OPRK1: variants seen among roughly 807,000 people sequenced by gnomAD.
OPRK1 encodes opioid receptor kappa 1.
In OPRK1, 15 loss-of-function variants were observed where a neutral mutation model predicts 24.5. That is an observed-to-expected ratio of 0.61 (90% CI 0.41 to 0.94). The LOEUF (loss-of-function observed/expected upper bound fraction) is 0.94, where lower values mean the gene tolerates loss of function less well. Ranked by LOEUF, OPRK1 falls within the 40% of genes least tolerant of loss-of-function variation. The pLI is 0.00. For synonymous variants in OPRK1, 205 were observed against 198.0 expected, an observed-to-expected ratio of 1.04 and a Z score of -0.30; for missense variants, 479 against 507.3, an observed-to-expected ratio of 0.94 and a Z score of 0.54.
intron 2 of OPRK1, among the ~76,000 whole-genome samples, chr8:53,246,788 T>C (rs1336303549): frequency 6.6e-6 from 1 of 151,932 alleles, no homozygotes; most frequent in African/African-American, 2.4e-5. Flanking sequence ...ATGAAGAGAA[T>C]ATGATAAAGA....
At chr8:53,239,077 C>A (rs1336267749) in intron 2 of OPRK1, among the ~76,000 whole-genome samples, 1 of 152,184 alleles carries the variant, frequency 6.6e-6, no homozygotes, top group African/African-American at 2.4e-5. Context: ...AATCAACACA[C>A]TTTCAGTTGC....
chr8:53,246,754 G>A (rs952144145), intron 2 of OPRK1, among the ~76,000 whole-genome samples: 1 of 152,168 alleles, frequency 6.6e-6, no homozygotes, highest in Non-Finnish European at 1.5e-5. Flanking sequence ...CAGTGTCTTG[G>A]TGAAGTACTG....
chr8:53,229,719 T>A lies in OPRK1; in HGVS notation c.721A>T (p.Ile241Phe). The A allele has an allele frequency of 6.2e-7, 1 of 1,613,984 alleles. No homozygotes were observed. The highest frequency in any genetic ancestry group is 8.5e-7 in the Non-Finnish European group (1 of 1,179,990). The change falls in exon 4 of 4, where the codon ATC becomes TTC. Residue 241 changes from isoleucine (I) to phenylalanine (F), a missense_variant. By Grantham distance (21) the Ile-to-Phe change is conservative (BLOSUM62 0). Coordinates refer to ENST00000265572, the MANE Select transcript of OPRK1 (RefSeq NM_000912.5). ...ATCAGGGTGTAGCAGACGATGATGA[T>A]GAGGACAGGGATCACGAAGGCAAAG... is the stretch of plus-strand genomic sequence containing the variant. ...FIFAFVIPVL[I>F]IIVCYTLMIL...
At chr8:53,242,090 C>T (rs1389311132) in intron 2 of OPRK1, among the ~76,000 whole-genome samples, 6 of 152,212 alleles carry the variant, frequency 3.9e-5, no homozygotes, top group Non-Finnish European at 8.8e-5. Context: ...TACCCGGATG[C>T]CTAGCGGTAT....
intron 2 of OPRK1, among the ~76,000 whole-genome samples, chr8:53,237,245 G>A (rs945390014): frequency 3.3e-5 from 5 of 152,078 alleles, no homozygotes; most frequent in Non-Finnish European, 7.4e-5. Context: ...TAAAAGGTGA[G>A]AATAAAAAGG....
chr8:53,226,011 C>G lies in OPRK1; in HGVS notation c.*3286G>C, dbSNP rs200892152. On this transcript the variant is annotated 3_prime_UTR_variant, in exon 4 of 4. Coordinates refer to ENST00000265572, the MANE Select transcript of OPRK1 (RefSeq NM_000912.5). Reference sequence around the variant, plus strand: ...TTCACAGCTTTCACTTTACAATGTTCCAATTTAAAGTCAGCCAGTGTGCTC... The same window carrying G: ...TTCACAGCTTTCACTTTACAATGTTGCAATTTAAAGTCAGCCAGTGTGCTC... 3 of 152,080 alleles carry G rather than the reference C, an allele frequency of 2.0e-5. No homozygotes were observed. Among genetic ancestry groups the G allele is most frequent in the Non-Finnish European group, 2.9e-5 (2 of 68,026 alleles). 9.4% of individuals were successfully genotyped at this position (152,080 alleles called of 1,614,324 possible).
rs1320887730 is a variant in OPRK1 at position 53,226,444 on chromosome 8, A to C, written c.*2853T>G. 1 of 152,216 alleles carries C rather than the reference A, an allele frequency of 6.6e-6. No individual in the cohort carries two copies. The highest frequency in any genetic ancestry group is 1.5e-5 in the Non-Finnish European group (1 of 68,060). 9.4% of individuals were successfully genotyped at this position (152,216 alleles called of 1,614,324 possible). On this transcript the variant is annotated 3_prime_UTR_variant, in exon 4 of 4. Transcript: ENST00000265572. The stretch of plus-strand genomic sequence containing the variant: ...TCCAGACCTTCTTACCAGGGTGGAA[A>C]GAATAGGGTTCATGTAGAGAATGGA...
intron 3 of OPRK1, among the ~76,000 whole-genome samples, chr8:53,233,054 T>C (rs1806894775): frequency 6.6e-6 from 1 of 152,222 alleles, no homozygotes; most frequent in South Asian, 2.1e-4. Flanking sequence ...GCAAATATGA[T>C]AAAGTTGGGC....
intron 2 of OPRK1, 108 bp from the exon 3 acceptor site, chr8:53,235,219 T>A: frequency 1.2e-6 from 1 of 833,064 alleles, no homozygotes; most frequent in Non-Finnish European, 1.9e-6. Flanking sequence ...TTCATTCAAT[T>A]ATTCTTATAT....
chr8:53,240,696 G>A (rs1231440708), intron 2 of OPRK1, among the ~76,000 whole-genome samples: 2 of 151,830 alleles, frequency 1.3e-5, no homozygotes, highest in Non-Finnish European at 2.9e-5. Flanking sequence ...GGGGGAAATG[G>A]AGAGGGCTGG....
chr8:53,241,975 G>C (rs1226691533), intron 2 of OPRK1, among the ~76,000 whole-genome samples: 2 of 152,244 alleles, frequency 1.3e-5, no homozygotes, highest in East Asian at 1.9e-4. Context: ...GAACGTTCTA[G>C]TGCATTCAGG....
chr8:53,247,807 A>G (rs1807268501), intron 2 of OPRK1, among the ~76,000 whole-genome samples: 1 of 151,762 alleles, frequency 6.6e-6, no homozygotes, highest in South Asian at 2.1e-4. Context: ...ACCAGCCTGC[A>G]CAACATGGTG....
intron 2 of OPRK1, among the ~76,000 whole-genome samples, chr8:53,245,679 CA>C (rs1344389550): frequency 6.6e-6 from 1 of 152,110 alleles, no homozygotes; most frequent in East Asian, 1.9e-4. Flanking sequence ...TATGGCCACA[CA>C]AATGGATGAA....
Position 53,229,081 on chromosome 8 carries a change from G to T in OPRK1, c.*216C>A. Reference sequence around the variant, plus strand: ...GGCTCTGCCTCGCTTCTGTGCCCTAGAGAAGAGGTGCATGTGTTGCGTGGA... The same window carrying T: ...GGCTCTGCCTCGCTTCTGTGCCCTATAGAAGAGGTGCATGTGTTGCGTGGA... On this transcript the variant is annotated 3_prime_UTR_variant, in exon 4 of 4. Coordinates refer to ENST00000265572, the MANE Select transcript of OPRK1 (RefSeq NM_000912.5). 1 of 520,404 alleles carries T rather than the reference G, an allele frequency of 1.9e-6. No homozygotes were observed. The highest frequency in any genetic ancestry group is 3.4e-6 in the Non-Finnish European group (1 of 295,488). 32.2% of individuals were successfully genotyped at this position (520,404 alleles called of 1,614,324 possible).
rs1238043696 is a variant in OPRK1, at chr8:53,227,215, G to C, written c.*2082C>G. On this transcript the variant is annotated 3_prime_UTR_variant, in exon 4 of 4. Coordinates refer to ENST00000265572, the MANE Select transcript of OPRK1 (RefSeq NM_000912.5). ...GGAGGTTGCAGTGAGCCAAGACTGTGCTACCGCACTCCAGCCTGGGCAACA... is the reference window on the plus strand; with the variant it reads ...GGAGGTTGCAGTGAGCCAAGACTGTCCTACCGCACTCCAGCCTGGGCAACA... The C allele has an allele frequency of 6.8e-6, 1 of 146,758 alleles. No homozygotes were observed. The highest frequency in any genetic ancestry group is 1.5e-5 in the Non-Finnish European group (1 of 67,706). 9.1% of individuals were successfully genotyped at this position (146,758 alleles called of 1,614,324 possible). A position where few individuals can be genotyped will look rare whatever the true frequency, so the allele number is the denominator to read the frequency against.
intron 2 of OPRK1, among the ~76,000 whole-genome samples, chr8:53,235,462 T>C (rs2128808699): frequency 6.6e-6 from 1 of 152,286 alleles, no homozygotes; most frequent in South Asian, 2.1e-4. Context: ...TCGCTTGGCT[T>C]TAAGCATTTT....
At chr8:53,233,450 G>T (rs1264458481) in intron 3 of OPRK1, among the ~76,000 whole-genome samples, 1 of 152,164 alleles carries the variant, frequency 6.6e-6, no homozygotes, top group Non-Finnish European at 1.5e-5. Flanking sequence ...CATGTATCAT[G>T]CAAGACAAGC....
chr8:53,240,766 G>T (rs1277454880), intron 2 of OPRK1, among the ~76,000 whole-genome samples: 1 of 152,052 alleles, frequency 6.6e-6, no homozygotes, highest in East Asian at 1.9e-4. Context: ...ATTTACAGCA[G>T]GGGGCTAGCA....
chr8:53,247,526 C>T (rs771893615), intron 2 of OPRK1, among the ~76,000 whole-genome samples: 10 of 151,968 alleles, frequency 6.6e-5, no homozygotes, highest in Non-Finnish European at 1.3e-4. Flanking sequence ...AGGAGAAAGT[C>T]GAACGCGTAT....
Sources: allele counts gnomAD v4.1 joint callset (sites outside exome capture counted in the v4.1 genomes callset), GRCh38; gene constraint gnomAD v4.1.1; transcripts MANE v1.5; gene names NCBI Gene and HGNC (gene_info 2026-07-23, HGNC 2026-07-21).